ERICH1: variants seen among roughly 807,000 people sequenced by gnomAD.
The protein encoded by ERICH1 is glutamate-rich protein 1.
In ERICH1, 56 loss-of-function variants were observed where a neutral mutation model predicts 39.6. The ratio of observed to expected loss-of-function variants is 1.41; its 90% CI spans 1.14 to 1.77. ERICH1 has a LOEUF of 1.77. Ranked by LOEUF, ERICH1 falls within the 40% of genes most tolerant of loss-of-function variation. The pLI, the probability that ERICH1 is intolerant of heterozygous loss-of-function variation, is 0.00. For synonymous variants in ERICH1, 313 were observed against 223.6 expected (o/e 1.40, Z -3.57); for missense variants, 826 against 575.4 (o/e 1.44, Z -4.45).
At chr8:687,321 C>T (rs941267164) in intron 3 of ERICH1, among the ~76,000 whole-genome samples, 35 of 152,224 alleles carry the variant, frequency 2.3e-4, no homozygotes, top group African/African-American at 8.2e-4. Flanking sequence ...TGTTTTTATA[C>T]ATAATCATTC....
At chr8:678,513 C>T (rs968759430) in intron 3 of ERICH1, among the ~76,000 whole-genome samples, 3 of 152,204 alleles carry the variant, frequency 2.0e-5, no homozygotes, top group African/African-American at 7.2e-5. Context: ...AAAAGAACTT[C>T]AGGCTTAGAT....
chr8:663,359 C>T (rs1801715977), downstream of ERICH1, among the ~76,000 whole-genome samples: 1 of 152,228 alleles, frequency 6.6e-6, no homozygotes, highest in Non-Finnish European at 1.5e-5. Flanking sequence ...GCCACCTCCA[C>T]CCGTCAGAAT....
chr8:625,813 T>C (rs1797570736), intron 3 of ERICH1: 1 of 152,212 alleles, frequency 6.6e-6, no homozygotes, highest in Admixed American at 6.5e-5. Context: ...ATGATGTATG[T>C]GTGGAGCGCA....
chr8:655,154 A>G (rs1800467712), intron 3 of ERICH1, among the ~76,000 whole-genome samples: 4 of 152,226 alleles, frequency 2.6e-5, no homozygotes, highest in African/African-American at 9.6e-5. Context: ...GTCGGCCCCA[A>G]GGGACTAGGA....
chr8:730,650 C>A (rs1021534254), intron 1 of ERICH1, among the ~76,000 whole-genome samples: 2 of 152,150 alleles, frequency 1.3e-5, no homozygotes, highest in South Asian at 2.1e-4. Flanking sequence ...CTAGGATGCG[C>A]CCCACACCTT....
intron 5 of ERICH1, among the ~76,000 whole-genome samples, 167 bp from the exon 6 acceptor site, chr8:664,843 G>C (rs3735915): frequency 0.29 from 44,040 of 152,178 alleles, 8,067 homozygotes; most frequent in Non-Finnish European, 0.42. Flanking sequence ...CATTATACTT[G>C]TTAATCACAC....
At chr8:642,815 G>T (rs913947420) in intron 3 of ERICH1, among the ~76,000 whole-genome samples, 3 of 152,148 alleles carry the variant, frequency 2.0e-5, no homozygotes, top group African/African-American at 7.2e-5. Flanking sequence ...CACCCAGGAT[G>T]TCTACAGGAC....
At chr8:667,034 C>T (rs1305036774) in intron 5 of ERICH1, 1 of 153,138 alleles carries the variant, frequency 6.5e-6, no homozygotes, top group African/African-American at 2.4e-5. Flanking sequence ...AGCAGGTCCT[C>T]AGCAGCCCCA....
intron 1 of ERICH1, among the ~76,000 whole-genome samples, chr8:722,224 A>C (rs1333416776): frequency 6.6e-6 from 1 of 150,972 alleles, no homozygotes. Flanking sequence ...GTTTAATGCC[A>C]ATCGAAAAAA....
chr8:700,855 T>A (rs1811952794), intron 2 of ERICH1, among the ~76,000 whole-genome samples: 1 of 152,110 alleles, frequency 6.6e-6, no homozygotes, highest in East Asian at 1.9e-4. Context: ...GAGGAAAAAC[T>A]CTCCTGAAAA....
intron 3 of ERICH1, among the ~76,000 whole-genome samples, chr8:628,752 G>A (rs1797741060): frequency 6.6e-6 from 1 of 152,206 alleles, no homozygotes; most frequent in African/African-American, 2.4e-5. Context: ...CGTAGTCCCT[G>A]AAGCTGCAGC....
At chr8:701,467 TGCTGTACCCCAGAGCA>T (rs1232133524) in intron 2 of ERICH1, among the ~76,000 whole-genome samples, 1 of 152,150 alleles carries the variant, frequency 6.6e-6, no homozygotes, top group African/African-American at 2.4e-5. Context: ...GATGGGAGCA[TGCTGTACCCCAGAGCA>T]GCTGGGAGGC....
At chr8:718,237 C>T (rs1486357648) in intron 1 of ERICH1, among the ~76,000 whole-genome samples, 1 of 151,594 alleles carries the variant, frequency 6.6e-6, no homozygotes, top group Non-Finnish European at 1.5e-5. Flanking sequence ...GGGTATGGAT[C>T]GGAGTGCACG....
At chr8:627,322 G>C (rs1797647571) in intron 3 of ERICH1, 2 of 421,000 alleles carry the variant, frequency 4.8e-6, no homozygotes, top group African/African-American at 4.1e-5. Context: ...CGAAGGGCTT[G>C]AGTGAATGAC....
At position 668,608 on chromosome 8, in the gene ERICH1, C is replaced by T. The variant is rs1478214978; in HGVS notation, c.1248G>A (p.Thr416=). The T allele has an allele frequency of 6.8e-6, 11 of 1,614,094 alleles. No homozygotes were observed. The highest frequency in any genetic ancestry group is 3.3e-4 in the Middle Eastern group (2 of 6,084). Residue 416 remains threonine, a synonymous_variant, in exon 5 of 6, where the codon ACG becomes ACA. Transcript: ENST00000262109. ...HALEMFPEHC[T]MPPDHARVIS... The stretch of plus-strand genomic sequence containing the variant: ...TCGTACGGTACTTACCAGGAGGCAT[C>T]GTGCAATGTTCTGGGAACATTTCCA...
chr8:668,582 A>C lies in ERICH1; in HGVS notation c.1258+16T>G. ...GTATCTTAAGCAGGACCTTGAATAA[A>C]TCGTACGGTACTTACCAGGAGGCAT... On this transcript the variant is annotated intron_variant, in intron 5 of 5. Coordinates refer to ENST00000262109, the MANE Select transcript of ERICH1 (RefSeq NM_207332.3). The C allele has an allele frequency of 6.2e-7, 1 of 1,614,106 alleles. No individual in the cohort carries two copies. Among genetic ancestry groups the C allele is most frequent in the South Asian group, 1.1e-5 (1 of 91,082 alleles).
chr8:700,222 C>A (rs111161373), intron 2 of ERICH1, among the ~76,000 whole-genome samples: 1,241 of 83,436 alleles, frequency 0.015, 102 homozygotes, highest in Middle Eastern at 0.043. Flanking sequence ...CACACACCCG[C>A]ACACGCGCAC....
chr8:729,473 T>A (rs1819518731), intron 1 of ERICH1, among the ~76,000 whole-genome samples: 1 of 152,230 alleles, frequency 6.6e-6, no homozygotes, highest in Admixed American at 6.5e-5. Context: ...CACTCCAGTT[T>A]CCTGCTCCAT....
intron 3 of ERICH1, among the ~76,000 whole-genome samples, chr8:653,797 G>A (rs996595319): frequency 1.6e-4 from 25 of 152,140 alleles, no homozygotes; most frequent in Middle Eastern, 3.4e-3. Flanking sequence ...GGGTGGCACT[G>A]AGGAGAGGTC....
Sources: allele counts gnomAD v4.1 joint callset (sites outside exome capture counted in the v4.1 genomes callset), GRCh38; gene constraint gnomAD v4.1.1; transcripts MANE v1.5; gene names NCBI Gene and HGNC (gene_info 2026-07-23, HGNC 2026-07-21).